TMPRSS2: variants seen among roughly 807,000 people sequenced by gnomAD.
The protein encoded by TMPRSS2 is transmembrane protease serine 2.
TMPRSS2 carries 59 observed loss-of-function variants against 67.4 expected under a neutral mutation model. The ratio of observed to expected loss-of-function variants is 0.88; its 90% CI spans 0.71 to 1.09. The LOEUF (loss-of-function observed/expected upper bound fraction) is 1.09, where lower values mean the gene tolerates loss of function less well. TMPRSS2 is among the 50% of genes least tolerant of loss of function. The pLI, the probability that TMPRSS2 is intolerant of heterozygous loss-of-function variation, is 0.00. For missense variants in TMPRSS2, 668 were observed against 642.7 expected (o/e 1.04, Z -0.43); for synonymous variants, 257 against 257.0 (o/e 1.00, Z 0.00).
chr21:41,480,942 C>A (rs1340527197), intron 5 of TMPRSS2, among the ~76,000 whole-genome samples: 1 of 152,062 alleles, frequency 6.6e-6, no homozygotes, highest in East Asian at 1.9e-4. Context: ...CTGGCCTTGT[C>A]CCAACTTGTA....
At position 41,465,127 on chromosome 21, in the gene TMPRSS2, C is replaced by T. The variant is rs2091074212; in HGVS notation, c.*1015G>A. The T allele has an allele frequency of 4.3e-6, 1 of 233,584 alleles. No individual in the cohort carries two copies. The allele number at this position is 233,584 out of a possible 1,614,324, so 14.5% of individuals were successfully genotyped here. A position where few individuals can be genotyped will look rare whatever the true frequency, so the allele number is the denominator to read the frequency against. On this transcript the variant is annotated 3_prime_UTR_variant, in exon 14 of 14. Coordinates refer to ENST00000332149, the MANE Select transcript of TMPRSS2 (RefSeq NM_005656.4). Reference sequence around the variant, plus strand: ...TTTTGTCAAAGCAGCTGAAATAGGCCACCACTCTTACTTGGCAAAGATGAT... The same window carrying T: ...TTTTGTCAAAGCAGCTGAAATAGGCTACCACTCTTACTTGGCAAAGATGAT...
chr21:41,467,940 A>T lies in TMPRSS2; in HGVS notation c.1315-54T>A, dbSNP rs111527980. On this transcript the variant is annotated intron_variant, in intron 12 of 13. Transcript: ENST00000332149. ...AGAAAATCAAGTCACAATCTGCCGC[A>T]CACCACTGACCAGGCCTAGAGGAGT... The T allele has an allele frequency of 3.4e-5, 54 of 1,606,816 alleles. No individual in the cohort carries two copies. In the African/African-American group the frequency reaches 5.9e-4, roughly 18 times the overall value.
At chr21:41,468,337 C>T (rs2091101672) in intron 12 of TMPRSS2, 59 bp downstream of exon 12, 31 of 1,599,860 alleles carry the variant, frequency 1.9e-5, no homozygotes, top group Non-Finnish European at 2.4e-5. Context: ...CCCTCTCTCT[C>T]ATGGGGGGTT....
intron 1 of TMPRSS2, chr21:41,506,413 G>A (rs1231849379): frequency 6.6e-6 from 1 of 152,290 alleles, no homozygotes; most frequent in East Asian, 1.9e-4. Context: ...GTCCTTACCC[G>A]AGGGTGTTGC....
rs777380293 is a variant in TMPRSS2, at chr21:41,468,487, T to C, written c.1223A>G (p.Gln408Arg). 2.5e-6 allele frequency: 4 copies of C among 1,614,170 alleles called. No individual in the cohort carries two copies. In the South Asian group the frequency reaches 3.3e-5, roughly 13 times the overall value. Residue 408 changes from glutamine to arginine, a missense_variant, in exon 12 of 14, where the codon CAG becomes CGG. Coordinates refer to ENST00000332149, the MANE Select transcript of TMPRSS2 (RefSeq NM_005656.4). ...NAAKVLLIET[Q>R]RCNSRYVYDN... Reference sequence around the variant, plus strand: ...ATAGACATATCTGCTGTTGCATCTCTGTGTCTCAATGAGAAGCACCTTGGC... The same window carrying C: ...ATAGACATATCTGCTGTTGCATCTCCGTGTCTCAATGAGAAGCACCTTGGC...
intron 5 of TMPRSS2, among the ~76,000 whole-genome samples, chr21:41,483,030 G>A (rs1264229353): frequency 1.3e-5 from 2 of 152,170 alleles, no homozygotes; most frequent in Non-Finnish European, 2.9e-5. Flanking sequence ...TGGCTGTACA[G>A]CATTATGCAT....
At position 41,506,551 on chromosome 21, in the gene TMPRSS2, C is replaced by T. The variant is rs151189718; in HGVS notation, c.-57+1530G>A. The stretch of plus-strand genomic sequence containing the variant: ...CCTCCAGTGACTTTCTGGGGGAGCT[C>T]CCGGTTACCTAGCCCACCAGGTCCT... On this transcript the variant is annotated intron_variant, in intron 1 of 13. Coordinates refer to ENST00000332149, the MANE Select transcript of TMPRSS2 (RefSeq NM_005656.4). 163 of 152,422 alleles carry T rather than the reference C, an allele frequency of 1.1e-3. No homozygotes were observed. The Middle Eastern group carries it at 0.02, about 19-fold the overall frequency. The allele number at this position is 152,422 out of a possible 1,614,324, so 9.4% of individuals were successfully genotyped here. A position where few individuals can be genotyped will look rare whatever the true frequency, so the allele number is the denominator to read the frequency against.
intron 4 of TMPRSS2, among the ~76,000 whole-genome samples, chr21:41,489,012 A>C (rs1046577793): frequency 2.0e-5 from 3 of 152,096 alleles, no homozygotes; most frequent in African/African-American, 7.2e-5. Context: ...GCACTGGGGC[A>C]CCTTACTTCC....
chr21:41,476,612 C>G lies in TMPRSS2; in HGVS notation c.692G>C (p.Cys231Ser), dbSNP rs944739499. Residue 231 changes from cysteine (C) to serine (S), a missense_variant, in exon 8 of 14, where the codon TGT (cysteine) becomes TCT (serine). Physicochemically the swap from Cys to Ser is moderately radical, Grantham distance 112 (BLOSUM62 -1). Transcript: ENST00000332149. Reference protein sequence around the residue: ...IYKKLYHSDACSSKAVVSLRC... With the variant: ...IYKKLYHSDASSSKAVVSLRC... ...TAAAGAAACCACTGCTTTTGAAGAA[C>G]AGGCATCACTGCAAAAAGAACAGGG... 1.9e-6 allele frequency: 3 copies of G among 1,571,482 alleles called. No homozygotes were observed. Among genetic ancestry groups the G allele is most frequent in the African/African-American group, 3.1e-5 (2 of 64,164 alleles).
chr21:41,498,502 C>G (rs1245588975), intron 1 of TMPRSS2, among the ~76,000 whole-genome samples: 4 of 152,200 alleles, frequency 2.6e-5, no homozygotes, highest in Non-Finnish European at 4.4e-5. Flanking sequence ...AAGGAACACA[C>G]TCAGTGACTC....
chr21:41,505,607 G>A (rs753664156), intron 1 of TMPRSS2, among the ~76,000 whole-genome samples: 9 of 152,170 alleles, frequency 5.9e-5, no homozygotes, highest in Non-Finnish European at 1.2e-4. Flanking sequence ...CTGCTAGAGG[G>A]AGCAGCACGG....
At chr21:41,490,449 T>C (rs2091327426) in intron 3 of TMPRSS2, among the ~76,000 whole-genome samples, 1 of 152,226 alleles carries the variant, frequency 6.6e-6, no homozygotes, top group African/African-American at 2.4e-5. Flanking sequence ...AAGTGCTCAG[T>C]CATCATATGT....
At chr21:41,506,543 G>C (rs1272556666) in intron 1 of TMPRSS2, 1 of 152,306 alleles carries the variant, frequency 6.6e-6, no homozygotes, top group Non-Finnish European at 1.5e-5. Context: ...TGACTTTCTG[G>C]GGGAGCTCCC....
At chr21:41,502,405 C>T (rs2146506319) in intron 1 of TMPRSS2, 2 of 985,422 alleles carry the variant, frequency 2.0e-6, no homozygotes, top group Non-Finnish European at 2.4e-6. Flanking sequence ...ACACCTTCTC[C>T]TTCTCGAAGC....
At position 41,488,415 on chromosome 21, in the gene TMPRSS2, C is replaced by G. The variant is rs779659161; in HGVS notation, c.424G>C (p.Gly142Arg). Residue 142 changes from glycine (G) to arginine (R), a missense_variant, in exon 5 of 14, where the codon GGG becomes CGG. Gly to Arg is a moderately radical substitution (Grantham distance 125). Transcript: ENST00000332149. ...WCDGVSHCPG[G>R]EDENRCVRLY... ...TCACCACACCGATTCTCGTCCTCCC[C>G]GCCGGGGCAGTGTGACACGCCATCA... 1 of 1,613,232 alleles carries G rather than the reference C, an allele frequency of 6.2e-7. No individual in the cohort carries two copies.
In TMPRSS2 at chr21:41,467,661, C is replaced by G. The variant is rs961773771; in HGVS notation, c.1467+73G>C. ...CACCAGTCAGCTTCCAGCAGCAGAA[C>G]CACGCCTAACAGATGTCTGGCTTTG... On this transcript the variant is annotated intron_variant, in intron 13 of 13. Coordinates refer to ENST00000332149, the MANE Select transcript of TMPRSS2 (RefSeq NM_005656.4). 8.9e-5 allele frequency: 139 copies of G among 1,567,282 alleles called. 4 individuals carry two copies. The South Asian group carries it at 1.6e-3, about 18-fold the overall frequency.
At chr21:41,491,823 G>A (rs73357642) in intron 3 of TMPRSS2, among the ~76,000 whole-genome samples, 8,028 of 152,228 alleles carry the variant, frequency 0.053, 703 homozygotes, top group African/African-American at 0.18. Context: ...TGTAGTCAGC[G>A]CGTGGTCAGT....
intron 13 of TMPRSS2, 36 bp downstream of exon 13, chr21:41,467,698 C>T (rs200395836): frequency 1.9e-5 from 31 of 1,607,698 alleles, no homozygotes; most frequent in South Asian, 3.3e-5. Context: ...CTCGAGGAAT[C>T]GGAGAACACA....
chr21:41,500,751 A>C (rs538863731), intron 1 of TMPRSS2, among the ~76,000 whole-genome samples: 1 of 152,338 alleles, frequency 6.6e-6, no homozygotes, highest in African/African-American at 2.4e-5. Context: ...GGGAAGGATC[A>C]CCATTTAAAA....
Sources: gnomAD v4.1 joint callset for allele counts (sites outside exome capture counted in the v4.1 genomes callset) on GRCh38, gnomAD v4.1.1 for gene constraint, MANE v1.5 for transcripts, NCBI Gene and HGNC (gene_info 2026-07-23, HGNC 2026-07-21) for gene names.